Variants in LDLRAD4 observed in about 807,000 individuals in gnomAD.
The protein encoded by LDLRAD4 is low-density lipoprotein receptor class A domain-containing protein 4.
Under a neutral mutation model 17.0 loss-of-function variants are expected in LDLRAD4, and 5 were observed. The ratio of observed to expected loss-of-function variants is 0.29; its 90% CI spans 0.15 to 0.62. LDLRAD4 has a LOEUF of 0.62. Among genes scored for constraint, LDLRAD4 ranks in the 20% least tolerant of loss-of-function variants. The probability of loss-of-function intolerance (pLI) is 0.84; values close to 1 mark genes in which losing one functional copy is unlikely to be tolerated. For synonymous variants in LDLRAD4, 168 were observed against 171.8 expected (o/e 0.98, Z 0.17); for missense variants, 340 against 424.7 (o/e 0.80, Z 1.75).
chr18:13,490,467 C>T (rs2093335750), intron 3 of LDLRAD4: 1 of 152,076 alleles, frequency 6.6e-6, no homozygotes, highest in Admixed American at 6.5e-5. Flanking sequence ...TAAGGGATAC[C>T]CAACCTATAT....
intron 2 of LDLRAD4, among the ~76,000 whole-genome samples, chr18:13,391,338 C>T (rs911345352): frequency 6.6e-6 from 1 of 151,976 alleles, no homozygotes; most frequent in African/African-American, 2.4e-5. Flanking sequence ...CATGAAGCTG[C>T]GTTTGTTTGG....
At chr18:13,466,633 C>A (rs1339533311) in intron 3 of LDLRAD4, among the ~76,000 whole-genome samples, 1 of 152,144 alleles carries the variant, frequency 6.6e-6, no homozygotes. Flanking sequence ...ATAGAAGGAA[C>A]TTCTTCAACA....
intron 2 of LDLRAD4, among the ~76,000 whole-genome samples, chr18:13,436,160 C>A (rs981059542): frequency 2.0e-5 from 3 of 152,192 alleles, no homozygotes; most frequent in African/African-American, 7.2e-5. Context: ...GAAGGAGCAG[C>A]AAATTAGTCA....
In LDLRAD4 at chr18:13,438,460, A is replaced by G. The variant is rs922406164; in HGVS notation, c.181+76A>G. On this transcript the variant is annotated intron_variant, in intron 3 of 5. Coordinates refer to ENST00000359446, the Ensembl canonical transcript of LDLRAD4. ...GGTTAGGAGGTGGGGTCACTGGGACATGGGAAGGAGGTTGTTTTCTGGTTA... is the reference window on the plus strand; with the variant it reads ...GGTTAGGAGGTGGGGTCACTGGGACGTGGGAAGGAGGTTGTTTTCTGGTTA... 6 of 1,182,698 alleles carry G rather than the reference A, an allele frequency of 5.1e-6. No homozygotes were observed. The African/African-American group carries it at 7.6e-5, about 15-fold the overall frequency. 73.3% of individuals were successfully genotyped at this position (1,182,698 alleles called of 1,614,324 possible).
intron 1 of LDLRAD4, among the ~76,000 whole-genome samples, chr18:13,378,701 C>T (rs1203519567): frequency 2.0e-5 from 3 of 152,078 alleles, no homozygotes; most frequent in African/African-American, 7.2e-5. Context: ...TTCTACTATT[C>T]TACCACATTT....
chr18:13,246,972 C>T (rs2042987695), intron 1 of LDLRAD4, among the ~76,000 whole-genome samples: 1 of 148,026 alleles, frequency 6.8e-6, no homozygotes, highest in South Asian at 2.1e-4. Context: ...CCTAATAGAA[C>T]ATGAGTATTC....
chr18:13,390,037 G>A (rs1385353782), intron 2 of LDLRAD4, among the ~76,000 whole-genome samples: 1 of 152,144 alleles, frequency 6.6e-6, no homozygotes, highest in Non-Finnish European at 1.5e-5. Context: ...GTAGGTTCCA[G>A]TGAGATGTTT....
intron 3 of LDLRAD4, among the ~76,000 whole-genome samples, chr18:13,579,145 G>A (rs953262910): frequency 6.6e-6 from 1 of 151,876 alleles, no homozygotes; most frequent in Non-Finnish European, 1.5e-5. Context: ...AGCCGAGATC[G>A]CACCACTGTA....
intron 2 of LDLRAD4, among the ~76,000 whole-genome samples, chr18:13,416,745 A>G (rs778162162): frequency 6.6e-6 from 1 of 152,248 alleles, no homozygotes; most frequent in Non-Finnish European, 1.5e-5. Context: ...GCTCTATGCA[A>G]TGGAAGAACA....
At chr18:13,601,087 T>C (rs2095155465) in intron 3 of LDLRAD4, among the ~76,000 whole-genome samples, 1 of 152,198 alleles carries the variant, frequency 6.6e-6, no homozygotes, top group Admixed American at 6.5e-5. Context: ...TGGCAAGGTG[T>C]CATCATAAAG....
exon 6 of LDLRAD4, chr18:13,649,112 A>C (rs2043134907): frequency 1.3e-5 from 2 of 152,316 alleles, no homozygotes; most frequent in South Asian, 2.1e-4. Flanking sequence ...TATCGTGAGG[A>C]CTGCATTTCC....
chr18:13,578,827 CTTTTTTTTT>C (rs1003295658), intron 3 of LDLRAD4, among the ~76,000 whole-genome samples: 31 of 65,700 alleles, frequency 4.7e-4, no homozygotes, highest in South Asian at 2.2e-3. Context: ...TTGTCCGGGT[CTTTTTTTTT>C]TTTTTTTTTT....
chr18:13,477,456 G>A (rs968931322), intron 3 of LDLRAD4, among the ~76,000 whole-genome samples: 1 of 152,200 alleles, frequency 6.6e-6, no homozygotes, highest in African/African-American at 2.4e-5. Flanking sequence ...TCTATCAGGC[G>A]GGATACTTGT....
intron 3 of LDLRAD4, chr18:13,515,193 C>T (rs2093845330): frequency 6.6e-6 from 1 of 152,216 alleles, no homozygotes; most frequent in South Asian, 2.1e-4. Context: ...CTTCCTTGTG[C>T]ACAACACTGG....
exon 6 of LDLRAD4, chr18:13,646,798 C>G (rs190543410): frequency 6.6e-6 from 1 of 152,646 alleles, no homozygotes; most frequent in African/African-American, 2.4e-5. Flanking sequence ...GCCTCTCCCC[C>G]TTTCCTCGAC....
chr18:13,389,083 T>C (rs1038909945), intron 2 of LDLRAD4, among the ~76,000 whole-genome samples: 1 of 152,192 alleles, frequency 6.6e-6, no homozygotes, highest in Non-Finnish European at 1.5e-5. Flanking sequence ...GGATGAACTC[T>C]GCAGCTGTGT....
At chr18:13,352,948 C>T (rs1175381081) in intron 1 of LDLRAD4, among the ~76,000 whole-genome samples, 1 of 152,030 alleles carries the variant, frequency 6.6e-6, no homozygotes, top group Non-Finnish European at 1.5e-5. Flanking sequence ...CTGTTTGGTT[C>T]CATTTTATAA....
intron 3 of LDLRAD4, chr18:13,515,199 A>G (rs946069913): frequency 3.9e-5 from 6 of 152,246 alleles, no homozygotes; most frequent in African/African-American, 1.4e-4. Context: ...TGTGCACAAC[A>G]CTGGCGTGCA....
At chr18:13,487,376 T>A (rs895703695) in intron 3 of LDLRAD4, 6 of 152,262 alleles carry the variant, frequency 3.9e-5, no homozygotes, top group Admixed American at 3.3e-4. Flanking sequence ...AGGGCATCTG[T>A]CCCGGCAGGG....
Sources: allele counts gnomAD v4.1 joint callset (sites outside exome capture counted in the v4.1 genomes callset), GRCh38; gene constraint gnomAD v4.1.1; transcripts MANE v1.5; gene names NCBI Gene and HGNC (gene_info 2026-07-23, HGNC 2026-07-21).